MYOZ1: variants seen among roughly 807,000 people sequenced by gnomAD.
The protein encoded by MYOZ1 is myozenin-1.
MYOZ1 carries 20 observed loss-of-function variants against 28.7 expected under a neutral mutation model. The observed-to-expected ratio is 0.70, with a 90% CI of 0.49 to 1.01. MYOZ1 has a LOEUF of 1.01. Ranked by LOEUF, MYOZ1 falls within the 50% of genes least tolerant of loss-of-function variation. MYOZ1 has a pLI of 0.00. For missense variants in MYOZ1, 371 were observed against 372.4 expected (o/e 1.00, Z 0.03); for synonymous variants, 144 against 145.8 (o/e 0.99, Z 0.09).
Position 73,633,976 on chromosome 10 carries a change from G to T in MYOZ1, c.592C>A (p.Gln198Lys). ...WERAMGVDPQ[Q>K]KMELGIDLLA... ...AGGTCAATGCCAAGTTCCATTTTTT[G>T]CTGGGGGTCAACCCCCATGGCTCGC... Residue 198 changes from glutamine (Q) to lysine (K), a missense_variant, in exon 5 of 6, where the codon CAA (glutamine) becomes AAA (lysine). Gln to Lys is a moderately conservative substitution (Grantham distance 53). Transcript: ENST00000359322. 6.2e-7 allele frequency: 1 copy of T among 1,612,882 alleles called. No individual in the cohort carries two copies. Among genetic ancestry groups the T allele is most frequent in the Non-Finnish European group, 8.5e-7 (1 of 1,179,650 alleles).
At chr10:73,633,400 A>G (rs1216442490) in intron 5 of MYOZ1, among the ~76,000 whole-genome samples, 1 of 152,118 alleles carries the variant, frequency 6.6e-6, no homozygotes, top group African/African-American at 2.4e-5. Flanking sequence ...GAGCCTCAAG[A>G]GGCCTTCAGA....
At chr10:73,635,175 C>T (rs769356643) in intron 3 of MYOZ1, among the ~76,000 whole-genome samples, 10 of 152,012 alleles carry the variant, frequency 6.6e-5, no homozygotes, top group Admixed American at 4.6e-4. Context: ...CCACCCACCT[C>T]GGCCTCCCAA....
At chr10:73,634,332 A>G (rs1021723102) in intron 4 of MYOZ1, 152 bp downstream of exon 4, 1 of 1,021,368 alleles carries the variant, frequency 9.8e-7, no homozygotes, top group African/African-American at 1.6e-5. Flanking sequence ...TAATTCACCA[A>G]GATATTTATG....
rs375685315 is a variant in MYOZ1 at position 73,637,825 on chromosome 10, G to A, written c.171C>T (p.Ser57=). 1.2e-5 allele frequency: 19 copies of A among 1,613,976 alleles called. No individual in the cohort carries two copies. In the African/African-American group the frequency reaches 2.3e-4, roughly 19 times the overall value. Residue 57 remains serine, a synonymous_variant, in exon 3 of 6, where the codon TCC becomes TCT. Transcript: ENST00000359322. ...TCATCTGCCGCAGTTTGAACATCTT[G>A]GAGCCCCGGTTGGTAAGCAGCGACA... ...EELSLLTNRG[S]KMFKLRQMRV...
chr10:73,634,106 T>C, intron 4 of MYOZ1, 41 bp from the exon 5 acceptor site: 1 of 1,611,862 alleles, frequency 6.2e-7, no homozygotes, highest in Non-Finnish European at 8.5e-7. Flanking sequence ...AATAATAGCA[T>C]TTAGTAGCCA....
At chr10:73,640,127 A>G (rs918145149) in intron 1 of MYOZ1, 92 bp from the exon 2 acceptor site, 3 of 1,146,972 alleles carry the variant, frequency 2.6e-6, no homozygotes, top group Admixed American at 2.1e-5. Context: ...ACCTGGGTTT[A>G]AGGGCTTGAG....
At position 73,637,750 on chromosome 10, in the gene MYOZ1, G is replaced by A. The variant is rs201435267; in HGVS notation, c.246C>T (p.Ser82=). 1 of 1,612,698 alleles carries A rather than the reference G, an allele frequency of 6.2e-7. No homozygotes were observed. Among genetic ancestry groups the A allele is most frequent in the African/African-American group, 1.3e-5 (1 of 75,008 alleles). ...GATAAAGTTCCAGACTCACCATTGA[G>A]CTGTCAGAGAAAACATCAGGGTGGT... The part of the protein sequence containing the change: ...YENHPDVFSD[S]SMDHFQKFLP... The change falls in exon 3 of 6, where the codon AGC becomes AGT. Residue 82 remains serine, a synonymous_variant. Transcript: ENST00000359322.
intron 3 of MYOZ1, among the ~76,000 whole-genome samples, chr10:73,637,162 A>C (rs543827044): frequency 6.6e-6 from 1 of 151,456 alleles, no homozygotes; most frequent in African/African-American, 2.4e-5. Flanking sequence ...ACAGGAACCC[A>C]CGACCACGCC....
At chr10:73,635,285 G>A (rs1199635204) in intron 3 of MYOZ1, among the ~76,000 whole-genome samples, 1 of 151,740 alleles carries the variant, frequency 6.6e-6, no homozygotes, top group African/African-American at 2.4e-5. Flanking sequence ...TTATACCTAG[G>A]GTAAGGGCAG....
chr10:73,638,604 G>A (rs868277756), intron 2 of MYOZ1, among the ~76,000 whole-genome samples: 1 of 151,704 alleles, frequency 6.6e-6, no homozygotes, highest in Middle Eastern at 3.5e-3. Flanking sequence ...AAAATGCTGG[G>A]ATGACAGGCG....
At chr10:73,634,134 GCC>G in intron 4 of MYOZ1, 69 bp from the exon 5 acceptor site, 1 of 1,552,250 alleles carries the variant, frequency 6.4e-7, no homozygotes, top group South Asian at 1.2e-5. Context: ...GTAATCCCAC[GCC>G]CCTACACTAG....
chr10:73,638,497 T>C (rs2081682208), intron 2 of MYOZ1, among the ~76,000 whole-genome samples: 1 of 151,140 alleles, frequency 6.6e-6, no homozygotes, highest in African/African-American at 2.4e-5. Flanking sequence ...CATCCCTGGC[T>C]GATTTTTATA....
Position 73,634,677 on chromosome 10 carries a change from C to T in MYOZ1, c.309G>A (p.Gln103=), listed in dbSNP as rs2081656453. 5.0e-6 allele frequency: 8 copies of T among 1,614,126 alleles called. No homozygotes were observed. In the African/African-American group the frequency reaches 8.0e-5, roughly 16 times the overall value. ...TVGGQLGTAG[Q]GFSYSKSNGR... ...CGTTGCTCTTGCTGTATGAGAATCC[C>T]TGACCAGCTGTGCCCAGCTGTCCCC... is the stretch of plus-strand genomic sequence containing the variant. Residue 103 remains glutamine, a synonymous_variant, in exon 4 of 6, where the codon CAG becomes CAA. Coordinates refer to ENST00000359322, the MANE Select transcript of MYOZ1 (RefSeq NM_021245.4).
intron 5 of MYOZ1, among the ~76,000 whole-genome samples, chr10:73,633,598 AT>A: frequency 6.6e-6 from 1 of 152,104 alleles, no homozygotes; most frequent in East Asian, 1.9e-4. Flanking sequence ...CAAAAAATAA[AT>A]AAGTGTAACG....
rs779736355 is a variant in MYOZ1 at position 73,632,071 on chromosome 10, T to C, written c.759A>G (p.Glu253=). ...PKFDLGPLLS[E]PLVLYNQNLS... ...GGTTTTGGTTGTAGAGGACCAGGGG[T>C]TCACTCAGCAAGGGCCCCAGGTCAA... is the stretch of plus-strand genomic sequence containing the variant. The change falls in exon 6 of 6, where the codon GAA becomes GAG. Residue 253 remains glutamate, a synonymous_variant. Transcript: ENST00000359322. 6.2e-7 allele frequency: 1 copy of C among 1,614,006 alleles called. No homozygotes were observed. The highest frequency in any genetic ancestry group is 1.7e-5 in the Admixed American group (1 of 59,998).
In MYOZ1 at chr10:73,634,025, G is replaced by A; in HGVS notation, c.543C>T (p.Phe181=). 6.2e-7 allele frequency: 1 copy of A among 1,613,982 alleles called. No homozygotes were observed. Among genetic ancestry groups the A allele is most frequent in the South Asian group, 1.1e-5 (1 of 91,018 alleles). ...GCTCCCATGGGGAAATATAGGTCTT[G>A]AACACAGTGATATGTTTTCCTTCTC... ...AGGEGKHITV[F]KTYISPWERA... Residue 181 remains phenylalanine, a synonymous_variant, in exon 5 of 6, where the codon TTC becomes TTT. Coordinates refer to ENST00000359322, the MANE Select transcript of MYOZ1 (RefSeq NM_021245.4).
At chr10:73,639,695 G>A (rs2081691748) in intron 2 of MYOZ1, among the ~76,000 whole-genome samples, 1 of 152,120 alleles carries the variant, frequency 6.6e-6, no homozygotes, top group Non-Finnish European at 1.5e-5. Flanking sequence ...TGGGTCCTGT[G>A]GTCCTGGACC....
chr10:73,633,777 AC>A (rs1191995536), intron 5 of MYOZ1, 122 bp downstream of exon 5: 3 of 1,058,126 alleles, frequency 2.8e-6, no homozygotes, highest in Non-Finnish European at 4.0e-6. Context: ...TTTGATTAGG[AC>A]CCCCATATCC....
chr10:73,635,611 T>G (rs2081663305), intron 3 of MYOZ1, among the ~76,000 whole-genome samples: 1 of 151,910 alleles, frequency 6.6e-6, no homozygotes, highest in Non-Finnish European at 1.5e-5. Context: ...CTCAAACTCC[T>G]GGGCTCAAGT....
Sources: gnomAD v4.1 joint callset for allele counts (sites outside exome capture counted in the v4.1 genomes callset) on GRCh38, gnomAD v4.1.1 for gene constraint, MANE v1.5 for transcripts, NCBI Gene and HGNC (gene_info 2026-07-23, HGNC 2026-07-21) for gene names.